The following RBL1 variants were observed in gnomAD, a reference collection of about 807,000 sequenced individuals.
The protein encoded by RBL1 is RB transcriptional corepressor like 1, also known as retinoblastoma-like protein 1.
In RBL1, 82 loss-of-function variants were observed where a neutral mutation model predicts 123.0. That is an observed-to-expected ratio of 0.67 (90% CI 0.56 to 0.80). The LOEUF (loss-of-function observed/expected upper bound fraction) is 0.80, where lower values mean the gene tolerates loss of function less well. RBL1 is among the 30% of genes least tolerant of loss of function. The probability of loss-of-function intolerance (pLI) is 0.00; values close to 1 mark genes in which losing one functional copy is unlikely to be tolerated. For missense variants in RBL1, 1,171 were observed against 1,299.6 expected (o/e 0.90, Z 1.52); for synonymous variants, 405 against 441.3 (o/e 0.92, Z 1.03).
At chr20:37,086,985 C>T (rs2065556608) in intron 2 of RBL1, among the ~76,000 whole-genome samples, 1 of 152,134 alleles carries the variant, frequency 6.6e-6, no homozygotes, top group Non-Finnish European at 1.5e-5. Flanking sequence ...GAATGACTAA[C>T]CTGCATCTAA....
chr20:37,095,666 C>G, intron 1 of RBL1, 107 bp downstream of exon 1: 1 of 1,041,094 alleles, frequency 9.6e-7, no homozygotes. Flanking sequence ...GCGCAGCGAC[C>G]CTCCTAGGTG....
chr20:37,056,556 T>A (rs528481010), intron 9 of RBL1, among the ~76,000 whole-genome samples: 2 of 152,140 alleles, frequency 1.3e-5, no homozygotes, highest in East Asian at 3.9e-4. Flanking sequence ...GGTTTCACCA[T>A]GTTGCCTAGG....
At chr20:37,018,500 A>C in intron 18 of RBL1, 131 bp from the exon 19 acceptor site, 1 of 1,261,042 alleles carries the variant, frequency 7.9e-7, no homozygotes. Flanking sequence ...TCAAGGGTAA[A>C]ATGTTATTAG....
rs191735079 is a variant in RBL1 at position 37,056,756 on chromosome 20, C to A, written c.1251-498G>T. On this transcript the variant is annotated intron_variant, in intron 9 of 21. Transcript: ENST00000373664. ...CTTTATATGATAAAATATTTTAACACGTAAAATTATATAATAAAAATACAG... is the reference window on the plus strand; with the variant it reads ...CTTTATATGATAAAATATTTTAACAAGTAAAATTATATAATAAAAATACAG... Among the ~76,000 whole-genome samples the A allele has an allele frequency of 2.7e-3, 417 of 152,088 alleles. 2 individuals are homozygous for A. Among genetic ancestry groups the A allele is most frequent in the African/African-American group, 9.5e-3 (392 of 41,480 alleles).
At chr20:37,085,940 C>T (rs959630725) in intron 2 of RBL1, among the ~76,000 whole-genome samples, 1 of 151,694 alleles carries the variant, frequency 6.6e-6, no homozygotes, top group Non-Finnish European at 1.5e-5. Context: ...TGAGCCACCG[C>T]GCCCAGCCTT....
At chr20:37,033,773 G>A (rs1435355661) in intron 15 of RBL1, among the ~76,000 whole-genome samples, 1 of 150,548 alleles carries the variant, frequency 6.6e-6, no homozygotes, top group Non-Finnish European at 1.5e-5. Flanking sequence ...CACCACACCC[G>A]GCTAATGTTT....
rs1212022867 is a variant in RBL1 at position 37,068,183 on chromosome 20, T to C, written c.294A>G (p.Leu98=). 1.3e-6 allele frequency: 2 copies of C among 1,557,618 alleles called. No individual in the cohort carries two copies. Among genetic ancestry groups the C allele is most frequent in the East Asian group, 2.3e-5 (1 of 43,632 alleles). ...TCTTCATTTTACTAAAAAATTGTAT[T>C]AAACTAAAAAAAAAAAGGAGGAGAA... is the stretch of plus-strand genomic sequence containing the variant. ...TRILRSAKLS[L]IQFFSKMKKW... The change falls in exon 3 of 22, where the codon TTA becomes TTG. Residue 98 remains leucine, a synonymous_variant. Coordinates refer to ENST00000373664, the MANE Select transcript of RBL1 (RefSeq NM_002895.5).
chr20:37,002,340 T>TG (rs2064000034), intron 21 of RBL1, among the ~76,000 whole-genome samples: 6 of 98,414 alleles, frequency 6.1e-5, no homozygotes, highest in African/African-American at 1.7e-4. Flanking sequence ...TTATCTGTTT[T>TG]TTTTTTTTTT....
At chr20:37,094,780 C>T (rs1232997490) in intron 1 of RBL1, among the ~76,000 whole-genome samples, 1 of 152,162 alleles carries the variant, frequency 6.6e-6, no homozygotes, top group African/African-American at 2.4e-5. Flanking sequence ...AGATTACAGG[C>T]AGGCGCCACC....
chr20:37,033,940 T>TC (rs1357852459), intron 15 of RBL1, among the ~76,000 whole-genome samples: 1 of 145,184 alleles, frequency 6.9e-6, no homozygotes, highest in Non-Finnish European at 1.5e-5. Context: ...CTTTTTTTTT[T>TC]CTTTTTCTTT....
rs180752018 is a variant in RBL1 at position 37,035,371 on chromosome 20, A to G, written c.2041T>C (p.Leu681=). The stretch of plus-strand genomic sequence containing the variant: ...ATGCTTGAAGAAGGAGCGATTTTCA[A>G]TTTTGTTCCTTCTGTTATGATCTTG... ...MDKIITEGTK[L]KIAPSSSITA... Residue 681 remains leucine, a synonymous_variant, in exon 15 of 22, where the codon TTG becomes CTG. Transcript: ENST00000373664. 8.1e-5 allele frequency: 131 copies of G among 1,614,144 alleles called. No individual in the cohort carries two copies. The East Asian group carries it at 1.1e-3, about 13-fold the overall frequency.
intron 1 of RBL1, among the ~76,000 whole-genome samples, chr20:37,090,200 G>A (rs952730363): frequency 3.9e-5 from 6 of 152,186 alleles, no homozygotes; most frequent in African/African-American, 1.4e-4. Context: ...TGCTGAACAA[G>A]TTTGCAGCCC....
chr20:37,061,898 A>AT (rs1335636512), intron 8 of RBL1, among the ~76,000 whole-genome samples, 186 bp downstream of exon 8: 1 of 152,248 alleles, frequency 6.6e-6, no homozygotes, highest in Non-Finnish European at 1.5e-5. Context: ...TAAAATATGA[A>AT]TAGTAAGAAA....
intron 11 of RBL1, among the ~76,000 whole-genome samples, chr20:37,051,728 G>C (rs1162522590): frequency 6.6e-6 from 1 of 151,016 alleles, no homozygotes; most frequent in African/African-American, 2.4e-5. Context: ...AAAAAAGAGT[G>C]AGAACAAACA....
At chr20:37,077,061 C>T (rs943287432) in intron 2 of RBL1, among the ~76,000 whole-genome samples, 2 of 151,888 alleles carry the variant, frequency 1.3e-5, no homozygotes, top group African/African-American at 4.8e-5. Flanking sequence ...CTCAGCCTCC[C>T]GAATAGCTGG....
intron 12 of RBL1, among the ~76,000 whole-genome samples, chr20:37,045,028 AAT>A (rs1170446268): frequency 6.6e-5 from 10 of 152,018 alleles, no homozygotes; most frequent in Non-Finnish European, 7.4e-5. Flanking sequence ...AAATATTAAT[AAT>A]ATGATTGTTA....
chr20:37,089,806 C>A (rs6031306), intron 1 of RBL1, among the ~76,000 whole-genome samples: 18 of 152,270 alleles, frequency 1.2e-4, no homozygotes, highest in African/African-American at 4.3e-4. Flanking sequence ...GTGGCTCATG[C>A]CTGGGAGGCT....
Position 37,030,863 on chromosome 20 carries a change from A to AC in RBL1, c.2382+1801_2382+1802insG, listed in dbSNP as rs964653932. Among the ~76,000 whole-genome samples the AC allele has an allele frequency of 6.6e-5, 10 of 151,010 alleles. No individual in the cohort carries two copies. In the East Asian group the frequency reaches 9.8e-4, roughly 15 times the overall value. ...GAGTGAGACTCTGTCTCAAAAAAAA[A>AC]AAAAACAAAAACAAAAAACCCAAAA... is the stretch of plus-strand genomic sequence containing the variant. On this transcript the variant is annotated intron_variant, in intron 16 of 21. Coordinates refer to ENST00000373664, the MANE Select transcript of RBL1 (RefSeq NM_002895.5).
intron 19 of RBL1, among the ~76,000 whole-genome samples, chr20:37,014,793 T>G (rs2146215405): frequency 6.6e-6 from 1 of 152,086 alleles, no homozygotes; most frequent in South Asian, 2.1e-4. Flanking sequence ...TCAGGTGCAG[T>G]GGCTGACGCC....
Sources: gnomAD v4.1 joint callset for allele counts (sites outside exome capture counted in the v4.1 genomes callset) on GRCh38, gnomAD v4.1.1 for gene constraint, MANE v1.5 for transcripts, NCBI Gene and HGNC (gene_info 2026-07-23, HGNC 2026-07-21) for gene names.